TM9SF3: variants seen among roughly 807,000 people sequenced by gnomAD.
TM9SF3 encodes SM-11044-binding protein.
Under a neutral mutation model 78.6 loss-of-function variants are expected in TM9SF3, and 14 were observed. That is an observed-to-expected ratio of 0.18 (90% CI 0.12 to 0.28). The LOEUF is 0.28. Among genes scored for constraint, TM9SF3 ranks in the 10% least tolerant of loss-of-function variants. The pLI is 1.00. For synonymous variants in TM9SF3, 231 were observed against 241.7 expected, an observed-to-expected ratio of 0.96 and a Z score of 0.41; for missense variants, 496 against 721.9, an observed-to-expected ratio of 0.69 and a Z score of 3.59.
rs762249987 is a variant in TM9SF3, at chr10:96,533,221, C to A, written c.1186-31G>T. On this transcript the variant is annotated intron_variant, in intron 9 of 14. Coordinates refer to ENST00000371142, the MANE Select transcript of TM9SF3 (RefSeq NM_020123.4). ...AATTAAATAAAAATGTGTGATTACTCAGAGAACAATAACATTAATATAAAC... is the reference window on the plus strand; with the variant it reads ...AATTAAATAAAAATGTGTGATTACTAAGAGAACAATAACATTAATATAAAC... 1.9e-6 allele frequency: 3 copies of A among 1,601,988 alleles called. No individual in the cohort carries two copies. In the South Asian group the frequency reaches 3.3e-5, roughly 18 times the overall value.
At chr10:96,532,997 T>A (rs1847915011) in intron 10 of TM9SF3, 54 bp downstream of exon 10, 4 of 1,598,290 alleles carry the variant, frequency 2.5e-6, no homozygotes, top group Non-Finnish European at 3.4e-6. Flanking sequence ...ACAACAGCCT[T>A]AAGAACTTAT....
rs556508736 is a variant in TM9SF3 at position 96,525,947 on chromosome 10, G to A, written c.1702+1266C>T. On this transcript the variant is annotated intron_variant, in intron 14 of 14. Coordinates refer to ENST00000371142, the MANE Select transcript of TM9SF3 (RefSeq NM_020123.4). ...AAAACACAAGGTGTAGAATCCCACA[G>A]AGACTGTGCAGAAACACAGACACAA... 7.2e-5 allele frequency among the ~76,000 whole-genome samples: 11 copies of A among 152,164 alleles called. No homozygotes were observed. The East Asian group carries it at 1.9e-3, about 27-fold the overall frequency.
chr10:96,523,275 A>G (rs1847800085), intron 14 of TM9SF3, among the ~76,000 whole-genome samples: 1 of 151,784 alleles, frequency 6.6e-6, no homozygotes, highest in South Asian at 2.1e-4. Context: ...TTAAAAGAAA[A>G]CCTTCCATTA....
intron 1 of TM9SF3, among the ~76,000 whole-genome samples, chr10:96,585,410 A>G (rs985165384): frequency 2.0e-5 from 3 of 152,220 alleles, no homozygotes; most frequent in Admixed American, 1.3e-4. Flanking sequence ...AAAGAACACA[A>G]AAGGAAATCG....
intron 4 of TM9SF3, 90 bp downstream of exon 4, chr10:96,561,888 T>C: frequency 9.3e-7 from 1 of 1,077,096 alleles, no homozygotes; most frequent in East Asian, 2.4e-5. Context: ...CATTTCAAGC[T>C]ACATTTTCAT....
rs1589463102 is a variant in TM9SF3 at position 96,573,956 on chromosome 10, T to TA, written c.298+2677dup. On this transcript the variant is annotated intron_variant, in intron 2 of 14. Coordinates refer to ENST00000371142, the MANE Select transcript of TM9SF3 (RefSeq NM_020123.4). ...GGATTAAAGACTTAAACGTAAGACC[T>TA]AAAACCATAAAAATCCTAGAAGAAA... Among the ~76,000 whole-genome samples, 4 of 152,272 alleles carry TA rather than the reference T, an allele frequency of 2.6e-5. No homozygotes were observed. In the East Asian group the frequency reaches 7.7e-4, roughly 29 times the overall value.
rs531037851 is a variant in TM9SF3 at position 96,559,619 on chromosome 10, G to A, written c.660+40C>T. On this transcript the variant is annotated intron_variant, in intron 5 of 14. Transcript: ENST00000371142. ...TACTCAATGTTTGTTGAACGAATTG[G>A]TGCACATAATCAATGTCTTAAAATA... is the stretch of plus-strand genomic sequence containing the variant. 3.4e-5 allele frequency: 48 copies of A among 1,393,488 alleles called. No individual in the cohort carries two copies. The South Asian group carries it at 5.6e-4, about 16-fold the overall frequency. 86.3% of individuals were successfully genotyped at this position (1,393,488 alleles called of 1,614,324 possible).
chr10:96,537,415 G>A (rs1847971920), intron 9 of TM9SF3, among the ~76,000 whole-genome samples: 1 of 152,162 alleles, frequency 6.6e-6, no homozygotes, highest in African/African-American at 2.4e-5. Flanking sequence ...TACCATCTAG[G>A]TTTGTGTAAG....
intron 1 of TM9SF3, chr10:96,577,603 T>A (rs1220658612): frequency 6.6e-6 from 1 of 152,234 alleles, no homozygotes; most frequent in East Asian, 1.9e-4. Flanking sequence ...GGAAACTGAT[T>A]ACCATGGTAA....
rs1215659006 is a variant in TM9SF3, at chr10:96,527,205, A to G, written c.1702+8T>C. On this transcript the variant is annotated splice_region_variant and intron_variant, in intron 14 of 14. Coordinates refer to ENST00000371142, the MANE Select transcript of TM9SF3 (RefSeq NM_020123.4). ...TACTCATGATGTTCAAAGAATTTCAAAACTTACCACACATTATCCCCAAGG... is the reference window on the plus strand; with the variant it reads ...TACTCATGATGTTCAAAGAATTTCAGAACTTACCACACATTATCCCCAAGG... 1.2e-6 allele frequency: 2 copies of G among 1,603,996 alleles called. No homozygotes were observed. The highest frequency in any genetic ancestry group is 1.3e-5 in the African/African-American group (1 of 74,514).
rs1848166176 is a variant in TM9SF3, at chr10:96,551,249, T to C, written c.955A>G (p.Thr319Ala). The C allele has an allele frequency of 6.2e-7, 1 of 1,609,872 alleles. No individual in the cohort carries two copies. Among genetic ancestry groups the C allele is most frequent in the Non-Finnish European group, 8.5e-7 (1 of 1,178,698 alleles). Residue 319 changes from threonine (T) to alanine (A), a missense_variant, in exon 7 of 15, where the codon ACT (threonine) becomes GCT (alanine). Thr to Ala is a moderately conservative substitution (Grantham distance 58). Coordinates refer to ENST00000371142, the MANE Select transcript of TM9SF3 (RefSeq NM_020123.4). ...IIVAMIEDLY[T>A]ERGSMLSTAI... ...CAGTTAAGTGTAGGCACTTACTCAGTATATAAATCTTCTATCATTGCAACA... is the reference window on the plus strand; with the variant it reads ...CAGTTAAGTGTAGGCACTTACTCAGCATATAAATCTTCTATCATTGCAACA...
intron 1 of TM9SF3, among the ~76,000 whole-genome samples, chr10:96,582,764 A>G (rs545031236): frequency 6.6e-6 from 1 of 152,332 alleles, no homozygotes; most frequent in South Asian, 2.1e-4. Context: ...CTTTGGACAA[A>G]TAAGCACATA....
At position 96,530,539 on chromosome 10, in the gene TM9SF3, C is replaced by T; in HGVS notation, c.1394+1G>A. ...AACATAAATACATTATCAAAACTTA[C>T]ATTTCAATAAAGATTGAACCAAAAG... On this transcript the variant is annotated splice_donor_variant, in intron 11 of 14. Transcript: ENST00000371142. LOFTEE classifies it high-confidence loss of function. 1 of 1,609,140 alleles carries T rather than the reference C, an allele frequency of 6.2e-7. No homozygotes were observed. The highest frequency in any genetic ancestry group is 8.5e-7 in the Non-Finnish European group (1 of 1,176,860).
At chr10:96,542,846 T>C (rs1848050431) in intron 9 of TM9SF3, among the ~76,000 whole-genome samples, 1 of 152,128 alleles carries the variant, frequency 6.6e-6, no homozygotes, top group South Asian at 2.1e-4. Flanking sequence ...AGGTATTAAA[T>C]ATTTAATAAA....
At chr10:96,561,934 G>T in intron 4 of TM9SF3, 44 bp downstream of exon 4, 2 of 1,521,260 alleles carry the variant, frequency 1.3e-6, no homozygotes, top group South Asian at 1.2e-5. Flanking sequence ...GTTGACATCG[G>T]GTCACAAACA....
At chr10:96,572,534 T>TC (rs1031398203) in intron 2 of TM9SF3, among the ~76,000 whole-genome samples, 1 of 151,130 alleles carries the variant, frequency 6.6e-6, no homozygotes, top group Non-Finnish European at 1.5e-5. Context: ...TCTTTTTTTT[T>TC]TTTTTTTTTT....
rs1189108088 is a variant in TM9SF3 at position 96,520,918 on chromosome 10, C to T, written c.*1345G>A. On this transcript the variant is annotated 3_prime_UTR_variant, in exon 15 of 15. Coordinates refer to ENST00000371142, the MANE Select transcript of TM9SF3 (RefSeq NM_020123.4). ...ATAGCATACTTTTAAAAATGGCATT[C>T]GGTAATTTTGCCTTCTGGACAGAAA... 1.8e-5 allele frequency: 7 copies of T among 397,128 alleles called. No homozygotes were observed. The highest frequency in any genetic ancestry group is 1.3e-4 in the South Asian group (1 of 7,856). The allele number at this position is 397,128 out of a possible 1,614,324, so 24.6% of individuals were successfully genotyped here. A position where few individuals can be genotyped will look rare whatever the true frequency, so the allele number is the denominator to read the frequency against.
chr10:96,562,198 A>C, intron 3 of TM9SF3, 60 bp from the exon 4 acceptor site: 29 of 1,243,172 alleles, frequency 2.3e-5, no homozygotes, highest in Non-Finnish European at 3.1e-5. Flanking sequence ...AATATCCTAC[A>C]AGCTAAATGC....
chr10:96,567,490 C>A (rs1452973522), intron 2 of TM9SF3, among the ~76,000 whole-genome samples: 1 of 152,142 alleles, frequency 6.6e-6, no homozygotes, highest in Admixed American at 6.5e-5. Flanking sequence ...AACTCAATTC[C>A]CACACACCCT....
Sources: allele counts gnomAD v4.1 joint callset (sites outside exome capture counted in the v4.1 genomes callset), GRCh38; gene constraint gnomAD v4.1.1; transcripts MANE v1.5; gene names NCBI Gene and HGNC (gene_info 2026-07-23, HGNC 2026-07-21).